The following PLGRKT variants were observed in gnomAD, a reference collection of about 807,000 sequenced individuals.
The protein encoded by PLGRKT is plasminogen receptor with a C-terminal lysine, also known as plasminogen receptor (KT).
PLGRKT carries 22 observed loss-of-function variants against 18.5 expected under a neutral mutation model. The ratio of observed to expected loss-of-function variants is 1.19; its 90% CI spans 0.85 to 1.70. The LOEUF is 1.70. PLGRKT is among the 40% of genes most tolerant of loss of function. The probability of loss-of-function intolerance (pLI) is 0.00; values close to 1 mark genes in which losing one functional copy is unlikely to be tolerated. For missense variants in PLGRKT, 235 were observed against 174.4 expected (o/e 1.35, Z -1.96); for synonymous variants, 72 against 52.8 (o/e 1.36, Z -1.58).
At chr9:5,411,615 A>G (rs1818367950) in intron 3 of PLGRKT, among the ~76,000 whole-genome samples, 1 of 152,172 alleles carries the variant, frequency 6.6e-6, no homozygotes, top group African/African-American at 2.4e-5. Flanking sequence ...GCACACAAAG[A>G]AGAATGAATC....
intron 3 of PLGRKT, among the ~76,000 whole-genome samples, chr9:5,363,952 C>A (rs2131061022): frequency 1.3e-5 from 2 of 152,266 alleles, no homozygotes; most frequent in Non-Finnish European, 2.9e-5. Context: ...TGAAATTCAT[C>A]CTTGCCACAT....
At chr9:5,430,637 A>T (rs1818804592) in intron 3 of PLGRKT, among the ~76,000 whole-genome samples, 1 of 152,238 alleles carries the variant, frequency 6.6e-6, no homozygotes, top group African/African-American at 2.4e-5. Flanking sequence ...CAGGAGACTG[A>T]GGCACAAGTC....
chr9:5,363,093 C>G (rs1008241539), intron 3 of PLGRKT, among the ~76,000 whole-genome samples: 1 of 151,844 alleles, frequency 6.6e-6, no homozygotes, highest in African/African-American at 2.4e-5. Context: ...GGGGGACTAC[C>G]AATGAGTCCA....
In PLGRKT at chr9:5,418,113, T is replaced by A. The variant is rs1051499535; in HGVS notation, c.81+13784A>T. On this transcript the variant is annotated intron_variant, in intron 3 of 5. Coordinates refer to ENST00000223864, the MANE Select transcript of PLGRKT (RefSeq NM_018465.4). The surrounding 1 kb of genome is among the most constrained non-coding windows in gnomAD (Gnocchi z 4.2). ...AAATCAGAAATTACAGTCCATTGAATACATGATTATGAGGATGCATGCAAT... is the reference window on the plus strand; with the variant it reads ...AAATCAGAAATTACAGTCCATTGAAAACATGATTATGAGGATGCATGCAAT... Among the ~76,000 whole-genome samples, 1 of 152,212 alleles carries A rather than the reference T, an allele frequency of 6.6e-6. No homozygotes were observed. The highest frequency in any genetic ancestry group is 1.9e-4 in the East Asian group (1 of 5,200).
At chr9:5,420,504 G>A (rs567778798) in intron 3 of PLGRKT, among the ~76,000 whole-genome samples, 1 of 152,276 alleles carries the variant, frequency 6.6e-6, no homozygotes, top group East Asian at 1.9e-4. Flanking sequence ...GGAGGTATGG[G>A]CAGAAATGAG....
At chr9:5,393,349 C>T (rs898619972) in intron 3 of PLGRKT, among the ~76,000 whole-genome samples, 1 of 151,772 alleles carries the variant, frequency 6.6e-6, no homozygotes, top group Non-Finnish European at 1.5e-5. Context: ...CTACTTCCTA[C>T]ACCTCTTGGT....
intron 3 of PLGRKT, among the ~76,000 whole-genome samples, chr9:5,395,542 A>G (rs1449016064): frequency 6.6e-6 from 1 of 151,966 alleles, no homozygotes; most frequent in Non-Finnish European, 1.5e-5. Flanking sequence ...ATAAGAAAGT[A>G]TTGACTCATG....
At chr9:5,358,445 G>A in intron 5 of PLGRKT, 85 bp from the exon 6 acceptor site, 2 of 1,204,932 alleles carry the variant, frequency 1.7e-6, no homozygotes, top group Non-Finnish European at 2.4e-6. Flanking sequence ...TTCCTTGACA[G>A]GCTCTAACAC....
intron 3 of PLGRKT, among the ~76,000 whole-genome samples, chr9:5,375,071 A>G (rs1288951884): frequency 6.6e-6 from 1 of 152,222 alleles, no homozygotes; most frequent in Non-Finnish European, 1.5e-5. Flanking sequence ...ATAGCCACAG[A>G]TAAGGAATGA....
At chr9:5,426,693 G>A (rs1246633440) in intron 3 of PLGRKT, among the ~76,000 whole-genome samples, 1 of 152,208 alleles carries the variant, frequency 6.6e-6, no homozygotes, top group African/African-American at 2.4e-5. Flanking sequence ...TGGGTAGGAT[G>A]AGGTCACAGG....
intron 3 of PLGRKT, among the ~76,000 whole-genome samples, chr9:5,421,834 G>T (rs1318097497): frequency 6.6e-6 from 1 of 152,174 alleles, no homozygotes; most frequent in African/African-American, 2.4e-5. Context: ...AGGGACATAG[G>T]AATCAACTTG....
rs909136571 is a variant in PLGRKT at position 5,358,287 on chromosome 9, G to A, written c.396C>T (p.Ser132=). 3 of 1,607,716 alleles carry A rather than the reference G, an allele frequency of 1.9e-6. No individual in the cohort carries two copies. Among genetic ancestry groups the A allele is most frequent in the South Asian group, 1.1e-5 (1 of 90,906 alleles). ...QLPRGMITFE[S]IEKARKEQSR... ...TCTGTTCCTTTCTGGCTTTTTCAAT[G>A]CTTTCAAAAGTGATCATTCCTCTTG... The change falls in exon 6 of 6, where the codon AGC becomes AGT. Residue 132 remains serine (S), a synonymous_variant. Transcript: ENST00000223864.
intron 3 of PLGRKT, among the ~76,000 whole-genome samples, chr9:5,403,413 C>T (rs1288217097): frequency 6.6e-6 from 1 of 151,972 alleles, no homozygotes; most frequent in African/African-American, 2.4e-5. Flanking sequence ...TTAGTAGAAA[C>T]GGGGTTTCAC....
chr9:5,364,874 G>A (rs138523326), intron 3 of PLGRKT, among the ~76,000 whole-genome samples: 1 of 152,170 alleles, frequency 6.6e-6, no homozygotes, highest in African/African-American at 2.4e-5. Flanking sequence ...GAACCATGTG[G>A]TACTGGATTA....
At chr9:5,428,276 C>T (rs954372323) in intron 3 of PLGRKT, among the ~76,000 whole-genome samples, 1 of 152,156 alleles carries the variant, frequency 6.6e-6, no homozygotes, top group African/African-American at 2.4e-5. Context: ...CCCTCCAGTC[C>T]CCAATCCTCC....
At chr9:5,414,606 A>G (rs765056515) in intron 3 of PLGRKT, among the ~76,000 whole-genome samples, 1 of 152,258 alleles carries the variant, frequency 6.6e-6, no homozygotes, top group Non-Finnish European at 1.5e-5. Context: ...AAGTCAATAA[A>G]CTAACACTGA....
At chr9:5,397,452 A>C (rs1363417216) in intron 3 of PLGRKT, among the ~76,000 whole-genome samples, 2 of 151,902 alleles carry the variant, frequency 1.3e-5, no homozygotes, top group Non-Finnish European at 2.9e-5. Flanking sequence ...GTATATGAGC[A>C]GTGACTGAGT....
chr9:5,432,951 C>A (rs1266680903), intron 2 of PLGRKT, among the ~76,000 whole-genome samples: 4 of 151,974 alleles, frequency 2.6e-5, no homozygotes, highest in Non-Finnish European at 5.9e-5. Context: ...CTCTGCCTGG[C>A]CGCCCTGTCT....
chr9:5,409,999 C>T (rs958316371), intron 3 of PLGRKT, among the ~76,000 whole-genome samples: 2 of 152,040 alleles, frequency 1.3e-5, no homozygotes, highest in African/African-American at 2.4e-5. Context: ...CCTTTAAAAA[C>T]CCTAGAAACC....
Sources: allele counts gnomAD v4.1 joint callset (sites outside exome capture counted in the v4.1 genomes callset), GRCh38; gene constraint gnomAD v4.1.1; non-coding constraint Gnocchi (gnomAD v3.1); transcripts MANE v1.5; gene names NCBI Gene and HGNC (gene_info 2026-07-23, HGNC 2026-07-21).